Variants in DMD observed in about 807,000 individuals in gnomAD.
DMD encodes the protein dystrophin.
In DMD, 63 loss-of-function variants were observed where a neutral mutation model predicts 330.1. The observed-to-expected ratio is 0.19, with a 90% CI of 0.16 to 0.24. The LOEUF is 0.24. Among genes scored for constraint, DMD ranks in the 10% least tolerant of loss-of-function variants. The probability of loss-of-function intolerance (pLI) is 1.00; values close to 1 mark genes in which losing one functional copy is unlikely to be tolerated. For missense variants in DMD, 3,344 were observed against 2,684.1 expected (o/e 1.25, Z -5.43); for synonymous variants, 1,223 against 959.8 (o/e 1.27, Z -5.07).
chrX:33,156,708 C>T (rs1223639250), intron 1 of DMD, among the ~76,000 whole-genome samples: 1 of 111,888 alleles, frequency 8.9e-6, no homozygotes, highest in Non-Finnish European at 1.9e-5. Context: ...TTAGTGTGTA[C>T]CTATTTTTCT....
intron 19 of DMD, 38 bp from the exon 20 acceptor site, chrX:32,491,556 C>A: frequency 1.7e-6 from 2 of 1,170,662 alleles, no homozygotes; most frequent in Non-Finnish European, 2.3e-6. Flanking sequence ...TCCCCTGAAC[C>A]CACAGACTGA....
chrX:31,418,591 T>C (rs865938478), intron 60 of DMD, among the ~76,000 whole-genome samples: 3 of 112,154 alleles, frequency 2.7e-5, no homozygotes, highest in Non-Finnish European at 5.6e-5. Flanking sequence ...CATGACTCCA[T>C]GCGCACCAAT....
intron 1 of DMD, among the ~76,000 whole-genome samples, chrX:33,189,104 C>G (rs1221758614): frequency 9.0e-6 from 1 of 111,657 alleles, no homozygotes; most frequent in African/African-American, 3.3e-5. Flanking sequence ...AGATCATTCT[C>G]ATTCTCCCCT....
At chrX:32,867,775 TG>T (rs1231548476) in intron 2 of DMD, among the ~76,000 whole-genome samples, 1 of 112,049 alleles carries the variant, frequency 8.9e-6, no homozygotes, top group Admixed American at 9.4e-5. Context: ...TTTAAAAGAT[TG>T]GTGCTCACTC....
intron 9 of DMD, among the ~76,000 whole-genome samples, chrX:32,693,908 G>A (rs1464865956): frequency 4.5e-5 from 5 of 111,419 alleles, no homozygotes; most frequent in African/African-American, 1.3e-4. Flanking sequence ...TAACTTTATC[G>A]GTCAAAATGG....
At chrX:31,785,646 C>A (rs2091258796) in intron 50 of DMD, among the ~76,000 whole-genome samples, 1 of 109,919 alleles carries the variant, frequency 9.1e-6, no homozygotes, top group Non-Finnish European at 1.9e-5. Flanking sequence ...TCCCCTCCCC[C>A]ATCTCCATGT....
intron 7 of DMD, among the ~76,000 whole-genome samples, chrX:32,769,350 C>A: frequency 9.0e-6 from 1 of 111,099 alleles, no homozygotes; most frequent in Non-Finnish European, 1.9e-5. Context: ...ACGAGACTTA[C>A]CACTATCAAG....
intron 1 of DMD, among the ~76,000 whole-genome samples, chrX:33,294,169 T>C (rs1306484352): frequency 1.8e-5 from 2 of 111,465 alleles, no homozygotes; most frequent in Non-Finnish European, 3.8e-5. Context: ...ACTTTCACTG[T>C]TCTGACTGAG....
At chrX:33,084,145 G>T (rs1196563564) in intron 1 of DMD, among the ~76,000 whole-genome samples, 1 of 112,242 alleles carries the variant, frequency 8.9e-6, no homozygotes, top group Non-Finnish European at 1.9e-5. Flanking sequence ...AGTAGACAGA[G>T]TAACAGAGTC....
At chrX:31,239,565 C>T (rs949730249) in intron 63 of DMD, among the ~76,000 whole-genome samples, 1 of 111,253 alleles carries the variant, frequency 9.0e-6, no homozygotes, top group African/African-American at 3.3e-5. Flanking sequence ...AATATAAAGG[C>T]TCATTCTAAG....
chrX:31,337,475 C>G (rs905186051), intron 61 of DMD, among the ~76,000 whole-genome samples: 4 of 112,106 alleles, frequency 3.6e-5, no homozygotes, highest in Non-Finnish European at 5.6e-5. Flanking sequence ...AAGTTCTCAC[C>G]AGAAAGTACT....
intron 60 of DMD, among the ~76,000 whole-genome samples, chrX:31,421,946 T>C (rs1432240306): frequency 7.4e-5 from 6 of 80,992 alleles, no homozygotes; most frequent in East Asian, 4.3e-4. Context: ...CACACACATA[T>C]ATATATATAT....
At chrX:33,081,008 A>AC (rs757565079) in intron 1 of DMD, among the ~76,000 whole-genome samples, 3,163 of 101,668 alleles carry the variant, frequency 0.031, 136 homozygotes, top group African/African-American at 0.12. Flanking sequence ...ACACACACAC[A>AC]AAAACACATG....
At chrX:32,190,320 T>G (rs779749457) in intron 44 of DMD, among the ~76,000 whole-genome samples, 3 of 109,331 alleles carry the variant, frequency 2.7e-5, no homozygotes, top group Non-Finnish European at 5.7e-5. Flanking sequence ...ACCCATTCAC[T>G]GCTTTCACCA....
chrX:32,312,391 T>C (rs1213052515), intron 41 of DMD, among the ~76,000 whole-genome samples: 1 of 111,414 alleles, frequency 9.0e-6, no homozygotes, highest in Non-Finnish European at 1.9e-5. Flanking sequence ...TCATTTGAGA[T>C]GCTCTCAGCT....
Position 32,348,416 on chromosome X carries a change from T to C in DMD, c.5438A>G (p.Asn1813Ser), listed in dbSNP as rs767254304. The change falls in exon 38 of 79, where the codon AAT (asparagine) becomes AGT (serine). Residue 1813 changes from asparagine (N) to serine (S), a missense_variant. By Grantham distance (46) the Asn-to-Ser change is conservative. Coordinates refer to ENST00000357033, the MANE Select transcript of DMD (RefSeq NM_004006.3). ...QGVNLKEEDF[N>S]KDMNEDNEGT... ...TCACAACCAATTTACCATATCTTTA[T>C]TGAAGTCTTCCTCTTTCAGATTCAC... is the stretch of plus-strand genomic sequence containing the variant. The C allele has an allele frequency of 6.6e-6, 8 of 1,208,747 alleles. No individual in the cohort carries two copies. In the South Asian group the frequency reaches 7.0e-5, roughly 11 times the overall value.
rs1169417670 is a variant in DMD, at chrX:33,109,463, A to AT, written c.32-89264dup. ...GGATGAACTTCATTATAATCTGGAA[A>AT]TTCACATTGACATTTCTCCCAGAAA... is the stretch of plus-strand genomic sequence containing the variant. On this transcript the variant is annotated intron_variant, in intron 1 of 78. Transcript: ENST00000357033. Among the ~76,000 whole-genome samples, 7 of 112,033 alleles carry AT rather than the reference A, an allele frequency of 6.2e-5. 2 individuals carry two copies. In the Admixed American group the frequency reaches 6.7e-4, roughly 11 times the overall value.
Position 32,491,468 on chromosome X carries a change from G to A in DMD, c.2431C>T (p.Arg811Trp), listed in dbSNP as rs781482969. The A allele has an allele frequency of 3.3e-6, 4 of 1,208,759 alleles. No individual in the cohort carries two copies. The highest frequency in any genetic ancestry group is 1.8e-5 in the South Asian group (1 of 56,740). Reference protein sequence around the residue: ...IKQASEQLNSRWIEFCQLLSE... With the variant: ...IKQASEQLNSWWIEFCQLLSE... ...AGCAACTGGCAGAATTCGATCCACC[G>A]GCTGTTCAGTTGTTCTGAGGCTTGT... Residue 811 changes from arginine to tryptophan, a missense_variant, in exon 20 of 79, where the codon CGG (arginine) becomes TGG (tryptophan). Coordinates refer to ENST00000357033, the MANE Select transcript of DMD (RefSeq NM_004006.3).
intron 30 of DMD, among the ~76,000 whole-genome samples, chrX:32,392,758 GTCTA>G (rs2098013076): frequency 8.9e-6 from 1 of 112,461 alleles, no homozygotes. Flanking sequence ...CAGCTTCCAC[GTCTA>G]TCTTTTTAGA....
Sources: gnomAD v4.1 joint callset for allele counts (sites outside exome capture counted in the v4.1 genomes callset) on GRCh38, gnomAD v4.1.1 for gene constraint, MANE v1.5 for transcripts, NCBI Gene and HGNC (gene_info 2026-07-23, HGNC 2026-07-21) for gene names.